ACOD1: variants seen among roughly 807,000 people sequenced by gnomAD.
The protein encoded by ACOD1 is cis-aconitate decarboxylase.
A neutral mutation model predicts 14.2 loss-of-function variants in ACOD1; 14 were observed. The observed-to-expected ratio is 0.99, with a 90% CI of 0.65 to 1.54. The LOEUF (loss-of-function observed/expected upper bound fraction) is 1.54, where lower values mean the gene tolerates loss of function less well. Ranked by LOEUF, ACOD1 falls within the 40% of genes most tolerant of loss-of-function variation. The probability of loss-of-function intolerance (pLI) is 0.00; values close to 1 mark genes in which losing one functional copy is unlikely to be tolerated. For synonymous variants in ACOD1, 182 were observed against 221.7 expected (o/e 0.82, Z 1.59); for missense variants, 530 against 586.3 (o/e 0.90, Z 0.99).
intron 4 of ACOD1, 119 bp downstream of exon 4, chr13:76,955,643 A>G: frequency 1.2e-6 from 1 of 828,662 alleles, no homozygotes; most frequent in Non-Finnish European, 1.9e-6. Context: ...ACATTAGCAC[A>G]GGTAGATAAG....
chr13:76,953,603 T>C lies in ACOD1; in HGVS notation c.178T>C (p.Tyr60His), dbSNP rs1409589729. The change falls in exon 3 of 5, where the codon TAC (tyrosine) becomes CAC (histidine). Residue 60 changes from tyrosine to histidine, a missense_variant. Tyr to His is a moderately conservative substitution (Grantham distance 83). Coordinates refer to ENST00000377462, the MANE Select transcript of ACOD1 (RefSeq NM_001258406.2). Reference protein sequence around the residue: ...FHIASQYSKIYSSNISSTVWG... With the variant: ...FHIASQYSKIHSSNISSTVWG... ...GGTTGATTTGCTTTTGTTCCAGATC[T>C]ACAGTTCCAACATATCCAGCACTGT... The C allele has an allele frequency of 6.5e-7, 1 of 1,539,520 alleles. No individual in the cohort carries two copies. Among genetic ancestry groups the C allele is most frequent in the Non-Finnish European group, 8.8e-7 (1 of 1,136,942 alleles).
chr13:76,953,584 T>C lies in ACOD1; in HGVS notation c.175-16T>C. ...CTGTATTCACACTATCACTGGTTGA[T>C]TTGCTTTTGTTCCAGATCTACAGTT... On this transcript the variant is annotated splice_polypyrimidine_tract_variant and intron_variant, in intron 2 of 4. Transcript: ENST00000377462. 6.7e-7 allele frequency: 1 copy of C among 1,483,800 alleles called. No individual in the cohort carries two copies. The highest frequency in any genetic ancestry group is 9.2e-7 in the Non-Finnish European group (1 of 1,086,592). 91.9% of individuals were successfully genotyped at this position (1,483,800 alleles called of 1,614,324 possible).
At chr13:76,956,913 A>C (rs2033882117) in intron 4 of ACOD1, 97 bp from the exon 5 acceptor site, 1 of 1,280,100 alleles carries the variant, frequency 7.8e-7, no homozygotes, top group African/African-American at 1.5e-5. Context: ...GAACCCAGAC[A>C]GTGTGACTCC....
At chr13:76,956,390 C>T (rs927719882) in intron 4 of ACOD1, among the ~76,000 whole-genome samples, 1 of 151,672 alleles carries the variant, frequency 6.6e-6, no homozygotes, top group East Asian at 1.9e-4. Flanking sequence ...TTAGTAGAGA[C>T]GGGGTTTCGT....
chr13:76,955,645 G>A (rs2033868203), intron 4 of ACOD1, 121 bp downstream of exon 4: 9 of 827,780 alleles, frequency 1.1e-5, no homozygotes, highest in South Asian at 8.6e-5. Context: ...ATTAGCACAG[G>A]TAGATAAGTC....
chr13:76,958,111 C>T lies in ACOD1; in HGVS notation c.*126C>T. The T allele has an allele frequency of 2.2e-6, 2 of 929,104 alleles. No homozygotes were observed. The highest frequency in any genetic ancestry group is 3.1e-6 in the Non-Finnish European group (2 of 651,160). The allele number at this position is 929,104 out of a possible 1,614,324, so 57.6% of individuals were successfully genotyped here. On this transcript the variant is annotated 3_prime_UTR_variant, in exon 5 of 5. Transcript: ENST00000377462. ...AGATGGAGAGAGTCCAGAAACAGAA[C>T]TACATATATCTGGAAGGAGCCTTCT...
intron 1 of ACOD1, among the ~76,000 whole-genome samples, chr13:76,950,354 T>C (rs1236777041): frequency 6.6e-6 from 1 of 152,250 alleles, no homozygotes; most frequent in Admixed American, 6.5e-5. Flanking sequence ...TAGTGAAACC[T>C]GACTTAAGAG....
Position 76,957,084 on chromosome 13 carries a change from C to CAA in ACOD1, c.547_548dup (p.Cys184SerfsTer37), listed in dbSNP as rs1185184432. 6.4e-7 allele frequency: 1 copy of CAA among 1,550,540 alleles called. No individual in the cohort carries two copies. Among genetic ancestry groups the CAA allele is most frequent in the Non-Finnish European group, 8.7e-7 (1 of 1,147,018 alleles). ...TCCAAGTTTTTAGGACTTAGCTCGA[C>CAA]AAAGTGCCGAGAAGCTCTGGCCATT... On this transcript the variant is annotated frameshift_variant, in exon 5 of 5. Coordinates refer to ENST00000377462, the MANE Select transcript of ACOD1 (RefSeq NM_001258406.2). LOFTEE classifies it low-confidence loss of function (END_TRUNC).
At chr13:76,955,864 T>C (rs781327363) in intron 4 of ACOD1, among the ~76,000 whole-genome samples, 4 of 152,226 alleles carry the variant, frequency 2.6e-5, no homozygotes, top group Non-Finnish European at 5.9e-5. Context: ...AATGAGGACA[T>C]TCAGAATATC....
intron 1 of ACOD1, 39 bp from the exon 2 acceptor site, chr13:76,952,450 G>T: frequency 6.5e-7 from 1 of 1,534,122 alleles, no homozygotes; most frequent in Non-Finnish European, 8.8e-7. Flanking sequence ...TGTAAGTAAA[G>T]TGGGGTGTAT....
In ACOD1 at chr13:76,957,394, C is replaced by T. The variant is rs767502095; in HGVS notation, c.855C>T (p.Asp285=). The change falls in exon 5 of 5, where the codon GAC becomes GAT. Residue 285 remains aspartate (D), a synonymous_variant. Transcript: ENST00000377462. ...PAHLSTHWVA[D]AAASVRKHLV... Reference sequence around the variant, plus strand: ...ATTTATCTACCCACTGGGTGGCAGACGCAGCTGCATCTGTGAGAAAGCACC... The same window carrying T: ...ATTTATCTACCCACTGGGTGGCAGATGCAGCTGCATCTGTGAGAAAGCACC... The T allele has an allele frequency of 9.2e-5, 143 of 1,550,516 alleles. No homozygotes were observed. The highest frequency in any genetic ancestry group is 8.3e-4 in the Middle Eastern group (5 of 6,014).
chr13:76,954,778 G>T (rs888836020), intron 3 of ACOD1, among the ~76,000 whole-genome samples: 4 of 152,118 alleles, frequency 2.6e-5, no homozygotes. Context: ...GCTCTCCAAG[G>T]TACTCCCTTC....
intron 4 of ACOD1, among the ~76,000 whole-genome samples, 161 bp downstream of exon 4, chr13:76,955,685 T>C (rs1375386112): frequency 6.6e-6 from 1 of 152,196 alleles, no homozygotes; most frequent in African/African-American, 2.4e-5. Context: ...AAACCCTCTA[T>C]CCACATTTAA....
intron 1 of ACOD1, among the ~76,000 whole-genome samples, chr13:76,950,168 T>G (rs2033808905): frequency 6.6e-6 from 1 of 152,162 alleles, no homozygotes; most frequent in Non-Finnish European, 1.5e-5. Flanking sequence ...GGCACTGAGC[T>G]CAGTATCAAA....
chr13:76,957,890 T>C lies in ACOD1; in HGVS notation c.1351T>C (p.Cys451Arg). The change falls in exon 5 of 5, where the codon TGT becomes CGT. Residue 451 changes from cysteine to arginine, a missense_variant. Cys to Arg is a radical substitution (Grantham distance 180, BLOSUM62 -3). Transcript: ENST00000377462. ...IVKNLEDLED[C>R]SVLTTLLKGP... ...CAAAAATCTAGAAGACCTAGAAGAC[T>C]GTTCTGTGTTAACTACACTTCTCAA... 1 of 1,550,946 alleles carries C rather than the reference T, an allele frequency of 6.4e-7. No homozygotes were observed. Among genetic ancestry groups the C allele is most frequent in the Non-Finnish European group, 8.7e-7 (1 of 1,147,036 alleles).
intron 1 of ACOD1, among the ~76,000 whole-genome samples, chr13:76,949,140 G>A (rs1015532978): frequency 1.7e-4 from 26 of 152,018 alleles, no homozygotes; most frequent in Middle Eastern, 3.2e-3. Context: ...GGTGGCAGGC[G>A]CCCGTAGTCC....
intron 3 of ACOD1, among the ~76,000 whole-genome samples, chr13:76,954,539 A>G (rs917724253): frequency 6.6e-6 from 1 of 152,236 alleles, no homozygotes; most frequent in Non-Finnish European, 1.5e-5. Flanking sequence ...CAACTTCTCT[A>G]AAAGTTTGAA....
At chr13:76,956,757 C>T (rs2033880058) in intron 4 of ACOD1, among the ~76,000 whole-genome samples, 1 of 152,198 alleles carries the variant, frequency 6.6e-6, no homozygotes, top group African/African-American at 2.4e-5. Flanking sequence ...AGATGACCCT[C>T]CCACCTTGGC....
In ACOD1 at chr13:76,957,311, G is replaced by C. The variant is rs776126555; in HGVS notation, c.772G>C (p.Ala258Pro). ...TTCCCCAAAAGTCCTTCCAAGCATA[G>C]CTTCCTACAGTTGGCTGCTGGACCA... Reference protein sequence around the residue: ...NYSPKVLPSIASYSWLLDQQD... With the variant: ...NYSPKVLPSIPSYSWLLDQQD... Residue 258 changes from alanine (A) to proline (P), a missense_variant, in exon 5 of 5, where the codon GCT (alanine) becomes CCT (proline). Transcript: ENST00000377462. 9 of 1,550,522 alleles carry C rather than the reference G, an allele frequency of 5.8e-6. No homozygotes were observed. In the South Asian group the frequency reaches 9.5e-5, roughly 16 times the overall value.
Sources: allele counts gnomAD v4.1 joint callset (sites outside exome capture counted in the v4.1 genomes callset), GRCh38; gene constraint gnomAD v4.1.1; transcripts MANE v1.5; gene names NCBI Gene and HGNC (gene_info 2026-07-23, HGNC 2026-07-21).